The following CNTNAP3B variants were observed in gnomAD, a reference collection of about 807,000 sequenced individuals.
CNTNAP3B encodes the protein contactin-associated protein-like 3B.
Under a neutral mutation model 108.9 loss-of-function variants are expected in CNTNAP3B, and 25 were observed. The observed-to-expected ratio is 0.23, with a 90% CI of 0.17 to 0.32. The LOEUF is 0.32. Ranked by LOEUF, CNTNAP3B falls within the 10% of genes least tolerant of loss-of-function variation. The pLI, the probability that CNTNAP3B is intolerant of heterozygous loss-of-function variation, is 1.00. For synonymous variants in CNTNAP3B, 103 were observed against 473.4 expected (o/e 0.22, Z 10.16); for missense variants, 252 against 1,210.4 (o/e 0.21, Z 11.75).
At chr9:41,962,917 T>G (rs1457403750) in intron 11 of CNTNAP3B, among the ~76,000 whole-genome samples, 3 of 151,580 alleles carry the variant, frequency 2.0e-5, no homozygotes, top group East Asian at 3.9e-4. Flanking sequence ...ATCATGACAC[T>G]GGGCTCCAGC....
At chr9:41,916,118 C>G (rs1406575190) in intron 18 of CNTNAP3B, among the ~76,000 whole-genome samples, 1 of 146,310 alleles carries the variant, frequency 6.8e-6, no homozygotes, top group Non-Finnish European at 1.5e-5. Flanking sequence ...TATTTATAGA[C>G]TTTGTCTATA....
intron 2 of CNTNAP3B, among the ~76,000 whole-genome samples, chr9:42,089,649 A>T (rs1206882036): frequency 6.7e-6 from 1 of 148,398 alleles, no homozygotes; most frequent in South Asian, 2.1e-4. Context: ...ATATTCAGTA[A>T]TTATTTTCTC....
chr9:41,928,394 T>G (rs1588044935), intron 15 of CNTNAP3B, among the ~76,000 whole-genome samples: 1 of 151,968 alleles, frequency 6.6e-6, no homozygotes, highest in Admixed American at 6.5e-5. Flanking sequence ...CAGACAAGGG[T>G]CCGGGACTCC....
intron 14 of CNTNAP3B, among the ~76,000 whole-genome samples, chr9:41,932,736 T>A (rs1387919190): frequency 6.6e-6 from 1 of 151,904 alleles, no homozygotes; most frequent in African/African-American, 2.4e-5. Context: ...GTCAGGCTGG[T>A]CTCGAACTTC....
At chr9:41,924,769 C>G (rs1382721830) in intron 15 of CNTNAP3B, among the ~76,000 whole-genome samples, 1 of 152,238 alleles carries the variant, frequency 6.6e-6, no homozygotes. Flanking sequence ...AAACCCATCA[C>G]AGGACTGCAC....
intron 2 of CNTNAP3B, among the ~76,000 whole-genome samples, chr9:42,091,018 G>A (rs2118668316): frequency 2.0e-5 from 1 of 49,142 alleles, no homozygotes; most frequent in South Asian, 7.3e-4. Flanking sequence ...TATATATTTA[G>A]TACATAGTAC....
At chr9:41,932,710 G>A (rs1183582540) in intron 14 of CNTNAP3B, among the ~76,000 whole-genome samples, 1 of 151,920 alleles carries the variant, frequency 6.6e-6, no homozygotes, top group African/African-American at 2.4e-5. Flanking sequence ...AGTATAGACG[G>A]GGTTTCACCA....
At chr9:42,096,103 C>A (rs137895800) in intron 2 of CNTNAP3B, among the ~76,000 whole-genome samples, 7 of 139,948 alleles carry the variant, frequency 5.0e-5, no homozygotes, top group Admixed American at 2.8e-4. Context: ...CCAGAGCTGC[C>A]GCAGGGCGTC....
At position 42,093,188 on chromosome 9, in the gene CNTNAP3B, A is replaced by G. The variant is rs1440496071; in HGVS notation, c.196+11441T>C. On this transcript the variant is annotated intron_variant, in intron 2 of 23. Transcript: ENST00000377561. ...GTGAAACCCCGTCTCTACTAAAAATACAAAAAATTAGCCAGGCGTGGTGGC... is the reference window on the plus strand; with the variant it reads ...GTGAAACCCCGTCTCTACTAAAAATGCAAAAAATTAGCCAGGCGTGGTGGC... 3.2e-5 allele frequency among the ~76,000 whole-genome samples: 3 copies of G among 94,858 alleles called. 1 individual carries two copies. Among genetic ancestry groups the G allele is most frequent in the African/African-American group, 1.2e-4 (3 of 25,184 alleles). The allele number at this position is 94,858 out of a possible 152,430, so 62.2% of individuals were successfully genotyped here.
At chr9:41,938,994 C>T (rs1459033362) in intron 13 of CNTNAP3B, among the ~76,000 whole-genome samples, 23 of 152,300 alleles carry the variant, frequency 1.5e-4, no homozygotes, top group South Asian at 2.1e-4. Context: ...ATTTCTCATG[C>T]GAAGAAACAA....
rs765818263 is a variant in CNTNAP3B, at chr9:41,996,386, G to A, written c.928-38C>T. 3.1e-5 allele frequency: 42 copies of A among 1,336,822 alleles called. 3 individuals are homozygous for A. The highest frequency in any genetic ancestry group is 4.1e-5 in the Non-Finnish European group (40 of 985,380). 82.8% of individuals were successfully genotyped at this position (1,336,822 alleles called of 1,614,324 possible). A position where few individuals can be genotyped will look rare whatever the true frequency, so the allele number is the denominator to read the frequency against. On this transcript the variant is annotated intron_variant, in intron 6 of 23. Coordinates refer to ENST00000377561, the MANE Select transcript of CNTNAP3B (RefSeq NM_001201380.3). Reference sequence around the variant, plus strand: ...AATGACATAAATAACATTGTTTAGTGATTTTCTGATGGTACGTGTTTAAAG... The same window carrying A: ...AATGACATAAATAACATTGTTTAGTAATTTTCTGATGGTACGTGTTTAAAG...
chr9:42,099,130 G>A, intron 2 of CNTNAP3B, among the ~76,000 whole-genome samples: 1 of 128,128 alleles, frequency 7.8e-6, no homozygotes, highest in East Asian at 2.7e-4. Context: ...CATTCACTCA[G>A]AAAATTGAGA....
chr9:42,070,838 G>A (rs1339539243), intron 3 of CNTNAP3B, among the ~76,000 whole-genome samples: 1 of 151,942 alleles, frequency 6.6e-6, no homozygotes, highest in African/African-American at 2.4e-5. Context: ...AATACACACA[G>A]GCCATGGGAG....
At chr9:41,945,707 T>G (rs1167285088) in intron 13 of CNTNAP3B, among the ~76,000 whole-genome samples, 1 of 152,298 alleles carries the variant, frequency 6.6e-6, no homozygotes, top group Non-Finnish European at 1.5e-5. Context: ...AACATATGGA[T>G]ACATATGTAA....
intron 13 of CNTNAP3B, among the ~76,000 whole-genome samples, chr9:41,949,894 TA>T (rs1824626822): frequency 6.6e-6 from 1 of 152,168 alleles, no homozygotes; most frequent in African/African-American, 2.4e-5. Flanking sequence ...TCATCAAAAT[TA>T]AAACTTTTGC....
In CNTNAP3B at chr9:42,098,161, G is replaced by A. The variant is rs570068758; in HGVS notation, c.196+6468C>T. On this transcript the variant is annotated intron_variant, in intron 2 of 23. Transcript: ENST00000377561. ...AAGTTGATTATTGGAGTTTATAAAA[G>A]CAACTTTTGACCATTTTCTCTGTGT... 8.9e-4 allele frequency among the ~76,000 whole-genome samples: 123 copies of A among 138,940 alleles called. 23 individuals are homozygous for A. Among genetic ancestry groups the A allele is most frequent in the African/African-American group, 3.4e-3 (120 of 35,010 alleles). 91.2% of individuals were successfully genotyped at this position (138,940 alleles called of 152,430 possible). A position where few individuals can be genotyped will look rare whatever the true frequency, so the allele number is the denominator to read the frequency against.
At chr9:42,053,486 T>G (rs1449036066) in intron 3 of CNTNAP3B, among the ~76,000 whole-genome samples, 1 of 133,682 alleles carries the variant, frequency 7.5e-6, no homozygotes, top group Non-Finnish European at 1.6e-5. Context: ...AGCCATTGTA[T>G]CTCATGGTAA....
intron 17 of CNTNAP3B, among the ~76,000 whole-genome samples, chr9:41,921,524 A>T (rs1473077657): frequency 2.6e-5 from 4 of 151,732 alleles, no homozygotes; most frequent in South Asian, 2.1e-4. Context: ...GTCCAGTTTT[A>T]ATTAGATTGC....
intron 12 of CNTNAP3B, chr9:41,960,299 A>C (rs1330959788): frequency 1.1e-5 from 2 of 174,938 alleles, no homozygotes; most frequent in Non-Finnish European, 2.4e-5. Context: ...TGCGCAGCCC[A>C]AGCAGTGTTC....
Sources: gnomAD v4.1 joint callset for allele counts (sites outside exome capture counted in the v4.1 genomes callset) on GRCh38, gnomAD v4.1.1 for gene constraint, MANE v1.5 for transcripts, NCBI Gene and HGNC (gene_info 2026-07-23, HGNC 2026-07-21) for gene names.